ANKS1B: variants seen among roughly 807,000 people sequenced by gnomAD.
ANKS1B encodes the protein ankyrin repeat and sterile alpha motif domain containing 1B, also known as ankyrin repeat and sterile alpha motif domain-containing protein 1B.
In ANKS1B, 36 loss-of-function variants were observed where a neutral mutation model predicts 148.3. The observed-to-expected ratio is 0.24, with a 90% CI of 0.19 to 0.32. The LOEUF (loss-of-function observed/expected upper bound fraction) is 0.32, where lower values mean the gene tolerates loss of function less well. ANKS1B is among the 10% of genes least tolerant of loss of function. ANKS1B has a pLI of 1.00. For missense variants in ANKS1B, 1,157 were observed against 1,542.6 expected (o/e 0.75, Z 4.19); for synonymous variants, 542 against 560.8 (o/e 0.97, Z 0.47).
intron 14 of ANKS1B, among the ~76,000 whole-genome samples, chr12:99,164,467 T>C (rs1249154071): frequency 6.6e-6 from 1 of 152,080 alleles, no homozygotes; most frequent in African/African-American, 2.4e-5. Flanking sequence ...AACATTCTTA[T>C]TCATTCTATT....
At chr12:98,833,376 T>C (rs10860373) in intron 17 of ANKS1B, among the ~76,000 whole-genome samples, 79,780 of 151,988 alleles carry the variant, frequency 0.52, 22,183 homozygotes, top group Non-Finnish European at 0.63. Context: ...GTTACCAGCT[T>C]CTTAAAAACA....
intron 1 of ANKS1B, among the ~76,000 whole-genome samples, chr12:99,887,101 C>A (rs2092863184): frequency 1.3e-5 from 2 of 152,104 alleles, no homozygotes; most frequent in Non-Finnish European, 2.9e-5. Flanking sequence ...GTATTAATAT[C>A]CCACCCTCCT....
intron 9 of ANKS1B, among the ~76,000 whole-genome samples, chr12:99,577,942 C>A (rs1380227464): frequency 1.3e-5 from 2 of 152,092 alleles, no homozygotes; most frequent in Non-Finnish European, 2.9e-5. Context: ...AGGCCAATAT[C>A]TCTGATGAAC....
intron 12 of ANKS1B, among the ~76,000 whole-genome samples, chr12:99,369,865 TA>T (rs1473723823): frequency 6.6e-6 from 1 of 151,480 alleles, no homozygotes; most frequent in Non-Finnish European, 1.5e-5. Context: ...GATAGATAGA[TA>T]GATAGATAGA....
intron 1 of ANKS1B, among the ~76,000 whole-genome samples, chr12:99,929,590 G>A (rs2153806880): frequency 6.6e-6 from 1 of 152,250 alleles, no homozygotes; most frequent in East Asian, 1.9e-4. Flanking sequence ...TGTTCTGAAT[G>A]GTATTGCCTA....
intron 17 of ANKS1B, among the ~76,000 whole-genome samples, chr12:99,041,982 C>T (rs535746725): frequency 6.6e-6 from 1 of 152,162 alleles, no homozygotes; most frequent in Admixed American, 6.5e-5. Context: ...GCCTGGGTGA[C>T]AAGTGAGACC....
At chr12:99,422,753 C>G (rs2152719530) in intron 11 of ANKS1B, among the ~76,000 whole-genome samples, 1 of 152,166 alleles carries the variant, frequency 6.6e-6, no homozygotes, top group Admixed American at 6.5e-5. Flanking sequence ...ATGGGAGATA[C>G]TATTCTATGA....
chr12:99,582,832 A>G (rs560048079), intron 9 of ANKS1B, among the ~76,000 whole-genome samples: 19 of 152,280 alleles, frequency 1.2e-4, no homozygotes, highest in African/African-American at 4.6e-4. Context: ...TGTAAATGAC[A>G]TGTCAATAAA....
At chr12:98,984,569 C>G (rs2099922139) in intron 17 of ANKS1B, among the ~76,000 whole-genome samples, 2 of 152,198 alleles carry the variant, frequency 1.3e-5, no homozygotes, top group Admixed American at 1.3e-4. Context: ...CACATAACTG[C>G]AAGATGCAAC....
Position 99,648,121 on chromosome 12 carries a change from T to C in ANKS1B, c.1272+6946A>G, listed in dbSNP as rs2098389372. Reference sequence around the variant, plus strand: ...AGGAAACAGGATGCCCGCTAAAGCATGTTAAGGAAGGTGTGGAGCAGCTGC... The same window carrying C: ...AGGAAACAGGATGCCCGCTAAAGCACGTTAAGGAAGGTGTGGAGCAGCTGC... On this transcript the variant is annotated intron_variant, in intron 9 of 26. Transcript: ENST00000683438. 4 of 1,566,044 alleles carry C rather than the reference T, an allele frequency of 2.6e-6. No individual in the cohort carries two copies. The South Asian group carries it at 4.7e-5, about 19-fold the overall frequency.
At chr12:99,772,683 C>A in intron 8 of ANKS1B, 1 of 324,206 alleles carries the variant, frequency 3.1e-6, no homozygotes, top group South Asian at 1.5e-4. Flanking sequence ...ACCAAAAATC[C>A]ATGTTTTTAA....
intron 17 of ANKS1B, among the ~76,000 whole-genome samples, chr12:99,024,390 A>T (rs1471879818): frequency 2.6e-5 from 4 of 152,120 alleles, no homozygotes; most frequent in African/African-American, 9.7e-5. Flanking sequence ...CATTTCCCTG[A>T]TTCACTCTTC....
chr12:99,801,309 C>T lies in ANKS1B; in HGVS notation c.669+5095G>A, dbSNP rs373185389. ...CTTACAGCATCAAACATACTTCCCCCAGCTTCTTCAAGAAGTCACCAGTGA... is the reference window on the plus strand; with the variant it reads ...CTTACAGCATCAAACATACTTCCCCTAGCTTCTTCAAGAAGTCACCAGTGA... On this transcript the variant is annotated intron_variant, in intron 4 of 26. Transcript: ENST00000683438. Among the ~76,000 whole-genome samples the T allele has an allele frequency of 5.0e-4, 76 of 152,260 alleles. 1 individual carries two copies. The highest frequency in any genetic ancestry group is 1.8e-3 in the African/African-American group (75 of 41,544).
chr12:99,015,221 G>C (rs1277716004), intron 17 of ANKS1B, among the ~76,000 whole-genome samples: 1 of 152,142 alleles, frequency 6.6e-6, no homozygotes, highest in African/African-American at 2.4e-5. Flanking sequence ...CATGTCCTTT[G>C]CAGGGACATG....
intron 5 of ANKS1B, 37 bp from the exon 6 acceptor site, chr12:99,780,009 C>G: frequency 7.5e-7 from 1 of 1,340,126 alleles, no homozygotes; most frequent in South Asian, 1.2e-5. Context: ...ATATACACCA[C>G]TGAAGTATCC....
intron 19 of ANKS1B, among the ~76,000 whole-genome samples, chr12:98,808,316 T>G (rs1220116275): frequency 6.6e-6 from 1 of 152,228 alleles, no homozygotes; most frequent in Non-Finnish European, 1.5e-5. Flanking sequence ...CCGATATTTT[T>G]ATTTTCTTAT....
chr12:99,781,921 A>C, intron 5 of ANKS1B, 101 bp downstream of exon 5: 2 of 977,660 alleles, frequency 2.0e-6, no homozygotes, highest in Non-Finnish European at 1.5e-6. Flanking sequence ...TAAAGGCAAG[A>C]GGGTGATTTG....
chr12:99,498,059 T>G (rs2096620785), intron 10 of ANKS1B, among the ~76,000 whole-genome samples: 1 of 152,216 alleles, frequency 6.6e-6, no homozygotes, highest in African/African-American at 2.4e-5. Flanking sequence ...AAGGATGAGC[T>G]TTACTCCTAC....
intron 8 of ANKS1B, among the ~76,000 whole-genome samples, chr12:99,706,861 T>C (rs150283053): frequency 6.6e-4 from 100 of 152,114 alleles, no homozygotes; most frequent in African/African-American, 2.3e-3. Context: ...GGGTCCTCCA[T>C]TGACAAACCA....
Sources: gnomAD v4.1 joint callset for allele counts (sites outside exome capture counted in the v4.1 genomes callset) on GRCh38, gnomAD v4.1.1 for gene constraint, MANE v1.5 for transcripts, NCBI Gene and HGNC (gene_info 2026-07-23, HGNC 2026-07-21) for gene names.